ITGAV: variants seen among roughly 807,000 people sequenced by gnomAD.
ITGAV encodes the protein integrin alpha-V.
Under a neutral mutation model 143.8 loss-of-function variants are expected in ITGAV, and 76 were observed. That is an observed-to-expected ratio of 0.53 (90% confidence interval 0.44 to 0.64). The LOEUF (loss-of-function observed/expected upper bound fraction) is 0.64. ITGAV is among the 30% of genes least tolerant of loss of function. The probability of loss-of-function intolerance (pLI) is 0.00; values close to 1 mark genes in which losing one functional copy is unlikely to be tolerated. For synonymous variants in ITGAV, 453 were observed against 446.7 expected, an observed-to-expected ratio of 1.01 and a Z score of -0.18; for missense variants, 1,193 against 1,274.7, an observed-to-expected ratio of 0.94 and a Z score of 0.98.
chr2:186,597,566 A>G (rs577344862), intron 1 of ITGAV, among the ~76,000 whole-genome samples: 4 of 152,218 alleles, frequency 2.6e-5, no homozygotes, highest in Non-Finnish European at 5.9e-5. Flanking sequence ...GAAGCAATTT[A>G]TCATAAGGTA....
intron 3 of ITGAV, among the ~76,000 whole-genome samples, chr2:186,625,136 G>T (rs1687637506): frequency 6.6e-6 from 1 of 152,118 alleles, no homozygotes. Context: ...AGCGCTTTGG[G>T]AGGCTGAGGC....
chr2:186,600,358 GATCCTGTAC>G, intron 1 of ITGAV: 3 of 1,532,970 alleles, frequency 2.0e-6, no homozygotes, highest in Non-Finnish European at 2.7e-6. Flanking sequence ...CCCTCCTTCT[GATCCTGTAC>G]ATCTTAATGT....
intron 1 of ITGAV, among the ~76,000 whole-genome samples, chr2:186,595,101 C>A (rs1559035724): frequency 6.6e-6 from 1 of 152,142 alleles, no homozygotes; most frequent in Non-Finnish European, 1.5e-5. Flanking sequence ...AAATCTGAAA[C>A]TGGAATTGTA....
At chr2:186,591,677 A>G (rs1488256206) in intron 1 of ITGAV, among the ~76,000 whole-genome samples, 1 of 152,132 alleles carries the variant, frequency 6.6e-6, no homozygotes, top group Non-Finnish European at 1.5e-5. Flanking sequence ...CACTCAGCAG[A>G]ATTTAGTCTT....
chr2:186,668,649 A>T, intron 24 of ITGAV, 113 bp from the exon 25 acceptor site: 1 of 866,178 alleles, frequency 1.2e-6, no homozygotes, highest in South Asian at 1.5e-5. Flanking sequence ...AACTGTGGAA[A>T]TTGCTGTTAT....
rs1686776411 is a variant in ITGAV, at chr2:186,597,427, A to T, written c.186-4594A>T. Among the ~76,000 whole-genome samples, 2 of 152,202 alleles carry T rather than the reference A, an allele frequency of 1.3e-5. 1 individual carries two copies. Among genetic ancestry groups the T allele is most frequent in the South Asian group, 4.1e-4 (2 of 4,832 alleles). On this transcript the variant is annotated intron_variant, in intron 1 of 29. Coordinates refer to ENST00000261023, the MANE Select transcript of ITGAV (RefSeq NM_002210.5). ...GACGTAGTGGAAATGACTTATTTAT[A>T]TATGGCTACTTTAAGATTGAGACAT...
intron 2 of ITGAV, among the ~76,000 whole-genome samples, chr2:186,604,964 A>G (rs979940976): frequency 6.6e-6 from 1 of 152,188 alleles, no homozygotes; most frequent in Non-Finnish European, 1.5e-5. Flanking sequence ...CCAAGCCACC[A>G]CTGTCTCCCA....
chr2:186,590,148 C>A lies in ITGAV; in HGVS notation c.-191C>A. On this transcript the variant is annotated 5_prime_UTR_variant, in exon 1 of 30. Coordinates refer to ENST00000261023, the MANE Select transcript of ITGAV (RefSeq NM_002210.5). Reference sequence around the variant, plus strand: ...TGTCCCCGCCCCGCGCGCTCTGCGCCCCTCGTCCCTGGCGGTCGCTCCGAA... The same window carrying A: ...TGTCCCCGCCCCGCGCGCTCTGCGCACCTCGTCCCTGGCGGTCGCTCCGAA... 2.2e-6 allele frequency: 1 copy of A among 449,306 alleles called. No individual in the cohort carries two copies. The highest frequency in any genetic ancestry group is 3.8e-5 in the East Asian group (1 of 26,494). The allele number at this position is 449,306 out of a possible 1,614,324, so 27.8% of individuals were successfully genotyped here.
rs754394035 is a variant in ITGAV, at chr2:186,656,370, T to C, written c.1688T>C (p.Met563Thr). 8 of 1,541,238 alleles carry C rather than the reference T, an allele frequency of 5.2e-6. No homozygotes were observed. The highest frequency in any genetic ancestry group is 6.9e-6 in the Non-Finnish European group (8 of 1,152,048). Residue 563 changes from methionine (M) to threonine (T), a missense_variant, in exon 17 of 30, where the codon ATG becomes ACG. Met to Thr is a moderately conservative substitution (Grantham distance 81, BLOSUM62 -1). Coordinates refer to ENST00000261023, the MANE Select transcript of ITGAV (RefSeq NM_002210.5). Reference sequence around the variant, plus strand: ...ATGACTATTTCAAGGGGGGGACTGATGCAGTGTGAGGAATTGATAGCGTAT... The same window carrying C: ...ATGACTATTTCAAGGGGGGGACTGACGCAGTGTGAGGAATTGATAGCGTAT... ...KNMTISRGGL[M>T]QCEELIAYLR...
At chr2:186,669,907 T>C in intron 26 of ITGAV, 93 bp downstream of exon 26, 1 of 830,488 alleles carries the variant, frequency 1.2e-6, no homozygotes, top group South Asian at 1.5e-5. Flanking sequence ...TAACAACAGC[T>C]GTGCTTGAAC....
intron 4 of ITGAV, among the ~76,000 whole-genome samples, chr2:186,630,294 C>G (rs1180720814): frequency 6.6e-6 from 1 of 151,362 alleles, no homozygotes; most frequent in African/African-American, 2.4e-5. Context: ...GAATTTTTAA[C>G]TTGCAGATCA....
chr2:186,609,264 T>A (rs986110749), intron 2 of ITGAV, among the ~76,000 whole-genome samples: 1 of 152,210 alleles, frequency 6.6e-6, no homozygotes, highest in Non-Finnish European at 1.5e-5. Flanking sequence ...ACTTTGTGTT[T>A]ACCAGTGACG....
Position 186,633,352 on chromosome 2 carries a change from T to C in ITGAV, c.609T>C (p.Gly203=), listed in dbSNP as rs962672970. The change falls in exon 6 of 30, where the codon GGT becomes GGC. Residue 203 remains glycine, a synonymous_variant. Transcript: ENST00000261023. ...AGGCTGACAGAGTACTTCTTGGTGG[T>C]CCTGGTAGCTTTTATTGGCAAGGTA... is the stretch of plus-strand genomic sequence containing the variant. ...FTKADRVLLG[G]PGSFYWQGQL... The C allele has an allele frequency of 4.4e-6, 7 of 1,589,800 alleles. No homozygotes were observed. Among genetic ancestry groups the C allele is most frequent in the Non-Finnish European group, 5.2e-6 (6 of 1,162,884 alleles).
chr2:186,634,649 A>G (rs1436949100), intron 6 of ITGAV, among the ~76,000 whole-genome samples: 2 of 152,236 alleles, frequency 1.3e-5, no homozygotes, highest in African/African-American at 2.4e-5. Flanking sequence ...AATGTGAGAC[A>G]TAGCAAAGCT....
intron 3 of ITGAV, among the ~76,000 whole-genome samples, chr2:186,624,093 A>C (rs1182978640): frequency 6.6e-6 from 1 of 152,078 alleles, no homozygotes; most frequent in Non-Finnish European, 1.5e-5. Context: ...CTCTCACTCC[A>C]TCTCACATAC....
chr2:186,675,579 A>G (rs1412385661), intron 26 of ITGAV, 25 bp from the exon 27 acceptor site: 8 of 1,566,610 alleles, frequency 5.1e-6, no homozygotes, highest in Non-Finnish European at 2.6e-6. Context: ...ACCTTTTCTT[A>G]TAAGTAAAGG....
chr2:186,650,580 T>A (rs1465396205), intron 14 of ITGAV, among the ~76,000 whole-genome samples: 1 of 152,110 alleles, frequency 6.6e-6, no homozygotes, highest in Admixed American at 6.5e-5. Flanking sequence ...TTCTTTTTTT[T>A]TTTTGCCCAA....
At chr2:186,603,129 A>G (rs1574461211) in intron 2 of ITGAV, among the ~76,000 whole-genome samples, 1 of 152,146 alleles carries the variant, frequency 6.6e-6, no homozygotes, top group Non-Finnish European at 1.5e-5. Context: ...TTATATTGGT[A>G]TATTTATATA....
At chr2:186,648,323 T>C (rs1374854706) in intron 13 of ITGAV, among the ~76,000 whole-genome samples, 1 of 152,204 alleles carries the variant, frequency 6.6e-6, no homozygotes, top group Non-Finnish European at 1.5e-5. Context: ...GGAAGGTTTT[T>C]GTCAACTTTT....
Sources: gnomAD v4.1 joint callset for allele counts (sites outside exome capture counted in the v4.1 genomes callset) on GRCh38, gnomAD v4.1.1 for gene constraint, MANE v1.5 for transcripts, NCBI Gene and HGNC (gene_info 2026-07-23, HGNC 2026-07-21) for gene names.